DSC3: variants seen among roughly 807,000 people sequenced by gnomAD.
DSC3 encodes desmocollin 3.
In DSC3, 97 loss-of-function variants were observed where a neutral mutation model predicts 89.5. The observed-to-expected ratio is 1.08, with a 90% CI of 0.92 to 1.28. The LOEUF (loss-of-function observed/expected upper bound fraction) is 1.28, where lower values mean the gene tolerates loss of function less well. DSC3 is among the 50% of genes most tolerant of loss of function. The probability of loss-of-function intolerance (pLI) is 0.00; values close to 1 mark genes in which losing one functional copy is unlikely to be tolerated. For synonymous variants in DSC3, 436 were observed against 384.1 expected (o/e 1.14, Z -1.58); for missense variants, 1,199 against 1,085.3 (o/e 1.10, Z -1.47).
intron 7 of DSC3, among the ~76,000 whole-genome samples, chr18:31,020,223 T>C (rs1598543391): frequency 6.6e-6 from 1 of 152,064 alleles, no homozygotes; most frequent in East Asian, 1.9e-4. Flanking sequence ...GTGGTTGAAA[T>C]TATGGCAGGA....
At chr18:31,020,136 C>T (rs1985369646) in intron 7 of DSC3, among the ~76,000 whole-genome samples, 1 of 151,916 alleles carries the variant, frequency 6.6e-6, no homozygotes, top group Non-Finnish European at 1.5e-5. Context: ...CCAAAAGGCA[C>T]CTGGATATAT....
Position 30,991,819 on chromosome 18 carries a change from T to C in DSC3, c.*2356A>G, listed in dbSNP as rs563513379. On this transcript the variant is annotated 3_prime_UTR_variant, in exon 16 of 16. Coordinates refer to ENST00000360428, the MANE Select transcript of DSC3 (RefSeq NM_001941.5). Reference sequence around the variant, plus strand: ...TATTTCAAGATTGATCCAATTCGTATGATCAACTTTCACACATGTTCAAAA... The same window carrying C: ...TATTTCAAGATTGATCCAATTCGTACGATCAACTTTCACACATGTTCAAAA... 6.6e-6 allele frequency: 1 copy of C among 152,302 alleles called. No individual in the cohort carries two copies. The highest frequency in any genetic ancestry group is 1.5e-5 in the Non-Finnish European group (1 of 68,030). The allele number at this position is 152,302 out of a possible 1,614,324, so 9.4% of individuals were successfully genotyped here.
chr18:31,036,236 AT>A (rs1395980940), intron 1 of DSC3, among the ~76,000 whole-genome samples: 4 of 152,242 alleles, frequency 2.6e-5, no homozygotes, highest in African/African-American at 4.8e-5. Flanking sequence ...CTTACAAATA[AT>A]TTTATGACTT....
rs1293712570 is a variant in DSC3 at position 30,993,870 on chromosome 18, G to C, written c.*305C>G. The C allele has an allele frequency of 3.7e-6, 1 of 269,268 alleles. No homozygotes were observed. The highest frequency in any genetic ancestry group is 7.2e-6 in the Non-Finnish European group (1 of 138,574). 16.7% of individuals were successfully genotyped at this position (269,268 alleles called of 1,614,324 possible). A position where few individuals can be genotyped will look rare whatever the true frequency, so the allele number is the denominator to read the frequency against. On this transcript the variant is annotated 3_prime_UTR_variant, in exon 16 of 16. Coordinates refer to ENST00000360428, the MANE Select transcript of DSC3 (RefSeq NM_001941.5). ...GTGATATTAGCATAACTTAGCTATT[G>C]TTGGACTAATATTTATCCAGCATAT... is the stretch of plus-strand genomic sequence containing the variant.
chr18:31,025,494 T>C (rs1399593271), intron 5 of DSC3, among the ~76,000 whole-genome samples: 1 of 152,160 alleles, frequency 6.6e-6, no homozygotes, highest in Non-Finnish European at 1.5e-5. Context: ...AACCAACTTT[T>C]TGGAAATTTA....
intron 5 of DSC3, among the ~76,000 whole-genome samples, chr18:31,024,870 G>A (rs1217084473): frequency 2.0e-5 from 3 of 152,068 alleles, no homozygotes; most frequent in Admixed American, 1.3e-4. Context: ...AAATAAAGCA[G>A]CAATTCCCAA....
At chr18:31,038,345 G>T (rs898903218) in intron 1 of DSC3, among the ~76,000 whole-genome samples, 3 of 152,090 alleles carry the variant, frequency 2.0e-5, no homozygotes, top group African/African-American at 7.2e-5. Context: ...AGTGTGTGTG[G>T]AGCTCTCTAA....
At chr18:31,038,593 G>A (rs1296348610) in intron 1 of DSC3, among the ~76,000 whole-genome samples, 1 of 151,986 alleles carries the variant, frequency 6.6e-6, no homozygotes, top group African/African-American at 2.4e-5. Flanking sequence ...GACTTGCTCA[G>A]AGTAGGGTTT....
chr18:30,996,853 C>T lies in DSC3; in HGVS notation c.2431G>A (p.Val811Met), dbSNP rs200716320. 3.5e-5 allele frequency: 56 copies of T among 1,613,634 alleles called. No homozygotes were observed. The highest frequency in any genetic ancestry group is 1.8e-4 in the Admixed American group (11 of 59,934). ...LDSCRGGHTEVDNCRYTYSEW... is the reference protein window; with the variant it reads ...LDSCRGGHTEMDNCRYTYSEW... ...GAGTAAGTGTATCTGCAGTTGTCCA[C>T]CTCCGTGTGTCCTCCCCTGCAGGAG... Residue 811 changes from valine (V) to methionine (M), a missense_variant, in exon 15 of 16, where the codon GTG (valine) becomes ATG (methionine). Coordinates refer to ENST00000360428, the MANE Select transcript of DSC3 (RefSeq NM_001941.5).
At chr18:31,018,309 T>A in intron 8 of DSC3, 53 bp from the exon 9 acceptor site, 2 of 1,444,876 alleles carry the variant, frequency 1.4e-6, no homozygotes, top group Non-Finnish European at 1.9e-6. Flanking sequence ...TAGACAACTT[T>A]AAAAAAAAGT....
intron 14 of DSC3, 53 bp downstream of exon 14, chr18:31,001,565 G>A (rs929470669): frequency 1.9e-6 from 3 of 1,586,228 alleles, no homozygotes; most frequent in Non-Finnish European, 2.6e-6. Context: ...AGTTTATGAG[G>A]ATGAATTAAA....
intron 1 of DSC3, among the ~76,000 whole-genome samples, chr18:31,040,857 A>G (rs895579975): frequency 6.6e-6 from 1 of 152,198 alleles, no homozygotes; most frequent in Admixed American, 6.5e-5. Flanking sequence ...TGAGATGGTC[A>G]AGAGAAGTGT....
intron 9 of DSC3, among the ~76,000 whole-genome samples, chr18:31,013,296 G>A (rs1464891014): frequency 6.6e-6 from 1 of 151,582 alleles, no homozygotes; most frequent in Admixed American, 6.6e-5. Context: ...TATCACAATT[G>A]TTCTAGGATA....
chr18:31,032,467 A>G (rs1192404547), intron 1 of DSC3, among the ~76,000 whole-genome samples, 191 bp from the exon 2 acceptor site: 1 of 152,194 alleles, frequency 6.6e-6, no homozygotes, highest in Non-Finnish European at 1.5e-5. Flanking sequence ...AACTAACTTC[A>G]TATTTAAAGG....
intron 1 of DSC3, among the ~76,000 whole-genome samples, chr18:31,036,553 A>G (rs1285013815): frequency 6.6e-6 from 1 of 151,542 alleles, no homozygotes; most frequent in Non-Finnish European, 1.5e-5. Context: ...AAAGTTCCCC[A>G]TTGCTCAATC....
intron 3 of DSC3, 36 bp downstream of exon 3, chr18:31,030,937 A>AT (rs1454315793): frequency 6.9e-6 from 11 of 1,587,636 alleles, no homozygotes; most frequent in Middle Eastern, 1.7e-4. Flanking sequence ...ATTTTAATGA[A>AT]AAAATGACTG....
At chr18:30,995,025 A>G (rs1350462918) in intron 15 of DSC3, among the ~76,000 whole-genome samples, 1 of 152,214 alleles carries the variant, frequency 6.6e-6, no homozygotes, top group Non-Finnish European at 1.5e-5. Context: ...TGCATCGAAA[A>G]GTTCAATGAA....
chr18:30,994,922 C>T (rs1984405413), intron 15 of DSC3, among the ~76,000 whole-genome samples: 1 of 152,198 alleles, frequency 6.6e-6, no homozygotes, highest in Non-Finnish European at 1.5e-5. Flanking sequence ...TAACTTGAAT[C>T]ACTATTATAT....
At chr18:31,039,891 C>A (rs1157722566) in intron 1 of DSC3, among the ~76,000 whole-genome samples, 1 of 152,118 alleles carries the variant, frequency 6.6e-6, no homozygotes, top group Non-Finnish European at 1.5e-5. Flanking sequence ...TTTAAGCTTG[C>A]AGTTTTAAAA....
Sources: allele counts gnomAD v4.1 joint callset (sites outside exome capture counted in the v4.1 genomes callset), GRCh38; gene constraint gnomAD v4.1.1; transcripts MANE v1.5; gene names NCBI Gene and HGNC (gene_info 2026-07-23, HGNC 2026-07-21).